The following SLC15A1 variants were observed in gnomAD, a reference collection of about 807,000 sequenced individuals.
SLC15A1 encodes Caco-2 oligopeptide transporter.
In SLC15A1, 83 loss-of-function variants were observed where a neutral mutation model predicts 92.9. The ratio of observed to expected loss-of-function variants is 0.89; its 90% confidence interval spans 0.75 to 1.07. The LOEUF (loss-of-function observed/expected upper bound fraction) is 1.07, where lower values mean the gene tolerates loss of function less well. SLC15A1 is among the 50% of genes least tolerant of loss of function. The pLI is 0.00. For missense variants in SLC15A1, 857 were observed against 880.1 expected, an observed-to-expected ratio of 0.97 and a Z score of 0.33; for synonymous variants, 322 against 318.2, an observed-to-expected ratio of 1.01 and a Z score of -0.13.
At chr13:98,748,501 C>A (rs561004303) in intron 1 of SLC15A1, among the ~76,000 whole-genome samples, 5 of 152,054 alleles carry the variant, frequency 3.3e-5, no homozygotes, top group Admixed American at 3.3e-4. Flanking sequence ...TGCCATGTTG[C>A]GCAGACTGAT....
At chr13:98,714,322 G>A (rs1285893732) in intron 9 of SLC15A1, among the ~76,000 whole-genome samples, 1 of 152,010 alleles carries the variant, frequency 6.6e-6, no homozygotes, top group African/African-American at 2.4e-5. Context: ...GACAGGGAGA[G>A]GGCACATTTA....
At chr13:98,737,051 T>C (rs1461999204) in intron 1 of SLC15A1, among the ~76,000 whole-genome samples, 2 of 152,270 alleles carry the variant, frequency 1.3e-5, no homozygotes, top group Non-Finnish European at 2.9e-5. Context: ...CACGTATGTT[T>C]ATTGTGGCAC....
Position 98,684,604 on chromosome 13 carries a change from T to G in SLC15A1, c.*120A>C. ...AGAAAAAAGAAAATAGCATTCATGGTTTAGTTCCCAATTCTGAAGTCTTCC... is the reference window on the plus strand; with the variant it reads ...AGAAAAAAGAAAATAGCATTCATGGGTTAGTTCCCAATTCTGAAGTCTTCC... On this transcript the variant is annotated 3_prime_UTR_variant, in exon 23 of 23. Coordinates refer to ENST00000376503, the MANE Select transcript of SLC15A1 (RefSeq NM_005073.4). 1.6e-6 allele frequency: 1 copy of G among 609,826 alleles called. No individual in the cohort carries two copies. Among genetic ancestry groups the G allele is most frequent in the South Asian group, 3.1e-5 (1 of 31,920 alleles). The allele number at this position is 609,826 out of a possible 1,614,324, so 37.8% of individuals were successfully genotyped here.
intron 1 of SLC15A1, among the ~76,000 whole-genome samples, chr13:98,735,639 A>G (rs1357629275): frequency 6.6e-6 from 1 of 152,250 alleles, no homozygotes; most frequent in Non-Finnish European, 1.5e-5. Flanking sequence ...CAACTTCAGC[A>G]AAGTCTCAGG....
At chr13:98,735,500 GAGAA>G (rs1182278788) in intron 1 of SLC15A1, among the ~76,000 whole-genome samples, 1 of 152,194 alleles carries the variant, frequency 6.6e-6, no homozygotes, top group African/African-American at 2.4e-5. Context: ...AATCAGGCAA[GAGAA>G]AGAAATAAAG....
At chr13:98,721,699 T>G in intron 6 of SLC15A1, 105 bp downstream of exon 6, 1 of 1,303,266 alleles carries the variant, frequency 7.7e-7, no homozygotes, top group Non-Finnish European at 1.1e-6. Flanking sequence ...TACTTTCTAA[T>G]GTACTTAAAA....
At chr13:98,706,277 G>T in intron 15 of SLC15A1, 24 bp from the exon 16 acceptor site, 5 of 1,608,848 alleles carry the variant, frequency 3.1e-6, no homozygotes, top group Non-Finnish European at 4.2e-6. Context: ...AAGAAAATTG[G>T]CAGTGAGGTC....
intron 6 of SLC15A1, 30 bp from the exon 7 acceptor site, chr13:98,721,615 T>G (rs1416347526): frequency 7.9e-6 from 12 of 1,512,100 alleles, no homozygotes; most frequent in Non-Finnish European, 1.1e-5. Context: ...GTAAGATGAC[T>G]TTGGCTATCA....
chr13:98,726,723 G>T, intron 2 of SLC15A1, 120 bp downstream of exon 2: 1 of 1,037,526 alleles, frequency 9.6e-7, no homozygotes, highest in Non-Finnish European at 1.5e-6. Flanking sequence ...TGGAAATCCG[G>T]GATCATACCC....
intron 7 of SLC15A1, chr13:98,720,935 C>T (rs1312909384): frequency 5.7e-6 from 2 of 353,554 alleles, no homozygotes; most frequent in Non-Finnish European, 1.1e-5. Flanking sequence ...GCCTGTTGTC[C>T]CAGCTACTCA....
In SLC15A1 at chr13:98,688,257, G is replaced by A. The variant is rs1376836336; in HGVS notation, c.1674C>T (p.Val558=). The A allele has an allele frequency of 6.2e-7, 1 of 1,606,544 alleles. No individual in the cohort carries two copies. The highest frequency in any genetic ancestry group is 8.5e-7 in the Non-Finnish European group (1 of 1,174,992). Residue 558 remains valine (V), a synonymous_variant, in exon 20 of 23, where the codon GTC becomes GTT. Coordinates refer to ENST00000376503, the MANE Select transcript of SLC15A1 (RefSeq NM_005073.4). ...LEFGSAYTYI[V]QRKNDSCPEV... is the part of the protein sequence containing the mutation. ...GAAACGAGTTACTAACCTTCCTTTG[G>A]ACTATATAGGTATAAGCACTACCAA...
chr13:98,691,174 G>T (rs2087972723), intron 18 of SLC15A1, among the ~76,000 whole-genome samples: 1 of 152,044 alleles, frequency 6.6e-6, no homozygotes, highest in Non-Finnish European at 1.5e-5. Flanking sequence ...CTCCCAAATA[G>T]CTGGGACTAC....
intron 9 of SLC15A1, among the ~76,000 whole-genome samples, chr13:98,714,277 G>A (rs1295139191): frequency 6.6e-6 from 1 of 152,088 alleles, no homozygotes; most frequent in Admixed American, 6.6e-5. Context: ...AATGTGAGAA[G>A]AAAACAGTAC....
chr13:98,726,474 G>C (rs761393495), intron 2 of SLC15A1, 25 bp from the exon 3 acceptor site: 39 of 1,603,824 alleles, frequency 2.4e-5, no homozygotes, highest in Non-Finnish European at 2.6e-6. Context: ...ACAAGCACAG[G>C]ATTGAAATAC....
intron 7 of SLC15A1, chr13:98,721,163 G>A: frequency 3.8e-6 from 2 of 530,444 alleles, no homozygotes; most frequent in Non-Finnish European, 7.5e-6. Context: ...GGCAGCTACG[G>A]CCACCAGCTT....
intron 18 of SLC15A1, among the ~76,000 whole-genome samples, chr13:98,693,087 G>GT (rs55817470): frequency 0.034 from 1,998 of 58,002 alleles, 523 homozygotes; most frequent in African/African-American, 0.11. Context: ...TATTGTCTAC[G>GT]TTTTTTTTTT....
At chr13:98,751,357 G>T (rs3782993) in intron 1 of SLC15A1, among the ~76,000 whole-genome samples, 1 of 152,118 alleles carries the variant, frequency 6.6e-6, no homozygotes, top group African/African-American at 2.4e-5. Context: ...TCTCGGGATT[G>T]GATCTGCTGG....
chr13:98,700,734 A>G (rs1172798599), intron 18 of SLC15A1, among the ~76,000 whole-genome samples: 1 of 152,196 alleles, frequency 6.6e-6, no homozygotes, highest in Non-Finnish European at 1.5e-5. Flanking sequence ...TGAATTGTGT[A>G]TAAGATCTGA....
chr13:98,720,514 G>A (rs1238397696), intron 7 of SLC15A1: 1 of 153,094 alleles, frequency 6.5e-6, no homozygotes, highest in Non-Finnish European at 1.5e-5. Flanking sequence ...ACTATGCTGT[G>A]GAAGAATACA....
Sources: gnomAD v4.1 joint callset for allele counts (sites outside exome capture counted in the v4.1 genomes callset) on GRCh38, gnomAD v4.1.1 for gene constraint, MANE v1.5 for transcripts, NCBI Gene and HGNC (gene_info 2026-07-23, HGNC 2026-07-21) for gene names.